Variants in CELSR1 observed in about 807,000 individuals in gnomAD.
CELSR1 encodes the protein adhesion G protein-coupled receptor C1.
A neutral mutation model predicts 249.1 loss-of-function variants in CELSR1; 110 were observed. The ratio of observed to expected loss-of-function variants is 0.44; its 90% CI spans 0.38 to 0.52. The LOEUF (loss-of-function observed/expected upper bound fraction) is 0.52. Ranked by LOEUF, CELSR1 falls within the 20% of genes least tolerant of loss-of-function variation. The pLI, the probability that CELSR1 is intolerant of heterozygous loss-of-function variation, is 0.00. For missense variants in CELSR1, 4,109 were observed against 4,296.4 expected (o/e 0.96, Z 1.22); for synonymous variants, 2,113 against 1,900.0 (o/e 1.11, Z -2.92).
In CELSR1 at chr22:46,464,208, C is replaced by T. The variant is rs763305091; in HGVS notation, c.3682G>A (p.Val1228Met). Residue 1228 changes from valine (V) to methionine (M), a missense_variant, in exon 2 of 35, where the codon GTG becomes ATG. This residue lies in a region of CELSR1 where 141 missense variants were observed against 209.4 expected (regional missense o/e 0.67). Transcript: ENST00000674500. This position sits in a 1 kb window ranked among gnomAD's most constrained non-coding sequence, Gnocchi z 8.5. ...KFLSPLLALF[V>M]EGVAAVLSTT... ...GACAGCACGGCGGCCACCCCCTCCA[C>T]GAAGAGGGCCAGCAGCGGGGACAGG... The T allele has an allele frequency of 3.3e-5, 54 of 1,613,720 alleles. No individual in the cohort carries two copies. The highest frequency in any genetic ancestry group is 5.0e-5 in the Admixed American group (3 of 60,024).
intron 5 of CELSR1, among the ~76,000 whole-genome samples, chr22:46,416,622 A>G (rs542357395): frequency 2.6e-5 from 4 of 151,966 alleles, no homozygotes; most frequent in Non-Finnish European, 5.9e-5. Flanking sequence ...CCACATGCTC[A>G]CTCCTGCAGC....
chr22:46,388,130 C>T (rs541995646), intron 18 of CELSR1, among the ~76,000 whole-genome samples: 1 of 152,228 alleles, frequency 6.6e-6, no homozygotes, highest in South Asian at 2.1e-4. Context: ...GGGTGGATCA[C>T]CTGAGGTCAG....
At chr22:46,424,841 G>T (rs1156491408) in intron 5 of CELSR1, among the ~76,000 whole-genome samples, 1 of 152,220 alleles carries the variant, frequency 6.6e-6, no homozygotes, top group Admixed American at 6.6e-5. Context: ...GCATGGTGGT[G>T]TGTGCCTGCA....
At position 46,428,280 on chromosome 22, in the gene CELSR1, C is replaced by T. The variant is rs1349410436; in HGVS notation, c.4611+5113G>A. 6.6e-6 allele frequency among the ~76,000 whole-genome samples: 1 copy of T among 152,232 alleles called. No individual in the cohort carries two copies. Among genetic ancestry groups the T allele is most frequent in the African/African-American group, 2.4e-5 (1 of 41,446 alleles). On this transcript the variant is annotated intron_variant, in intron 5 of 34. Transcript: ENST00000674500. The surrounding 1 kb of genome is among the most constrained non-coding windows in gnomAD (Gnocchi z 5.7). ...AATTGCCGAGGCAGAGTCCCAAGGA[C>T]TCCAGCAGCCAGCTCAGGCATGGGG... is the stretch of plus-strand genomic sequence containing the variant.
chr22:46,514,872 G>A (rs934180152), intron 1 of CELSR1, among the ~76,000 whole-genome samples: 2 of 152,076 alleles, frequency 1.3e-5, no homozygotes, highest in East Asian at 1.9e-4. Context: ...GTCCGTACCC[G>A]CCGTCAATCC....
chr22:46,477,514 C>CTTTTTTT (rs10683807), intron 1 of CELSR1, among the ~76,000 whole-genome samples: 5 of 133,666 alleles, frequency 3.7e-5, no homozygotes, highest in Admixed American at 7.9e-5. Flanking sequence ...GTTTTATTGG[C>CTTTTTTT]TTTTTTTTTT....
chr22:46,535,352 T>G lies in CELSR1; in HGVS notation c.1819A>C (p.Thr607Pro). The G allele has an allele frequency of 1.2e-6, 2 of 1,612,440 alleles. No individual in the cohort carries two copies. The highest frequency in any genetic ancestry group is 2.7e-5 in the African/African-American group (2 of 75,060). Residue 607 changes from threonine (T) to proline (P), a missense_variant, in exon 1 of 35, where the codon ACG becomes CCG. Physicochemically the swap from Thr to Pro is conservative, Grantham distance 38. Around this residue, in one of 7 missense-constraint regions of CELSR1, gnomAD observed 886 missense variants for 896.5 expected, o/e 0.99. Transcript: ENST00000674500. The part of the protein sequence containing the change: ...NARLHYRLVD[T>P]ASTFLGGGSA... ...CCGCCCCCCAGAAAGGTGGAGGCCG[T>G]GTCCACCAGGCGATAGTGCAGCCGG...
chr22:46,379,822 A>G (rs2078957473), intron 22 of CELSR1, among the ~76,000 whole-genome samples: 1 of 152,188 alleles, frequency 6.6e-6, no homozygotes, highest in South Asian at 2.1e-4. Context: ...TGACTCCTGC[A>G]TGGCGTCTCC....
In CELSR1 at chr22:46,429,491, G is replaced by GCCT. The variant is rs1339106410; in HGVS notation, c.4611+3899_4611+3901dup. On this transcript the variant is annotated intron_variant, in intron 5 of 34. Coordinates refer to ENST00000674500, the MANE Select transcript of CELSR1 (RefSeq NM_001378328.1). This position sits in a 1 kb window ranked among gnomAD's most constrained non-coding sequence, Gnocchi z 4.1. ...CGGAGCGCCACACAAATGTACAAGT[G>GCCT]CCTGCCTTTGAAAAGACCGTCCTGG... Among the ~76,000 whole-genome samples the GCCT allele has an allele frequency of 6.6e-6, 1 of 152,266 alleles. No individual in the cohort carries two copies. Among genetic ancestry groups the GCCT allele is most frequent in the African/African-American group, 2.4e-5 (1 of 41,478 alleles).
chr22:46,391,658 G>A lies in CELSR1; in HGVS notation c.6123C>T (p.Ala2041=), dbSNP rs150599618. Residue 2041 remains alanine (A), a synonymous_variant, in exon 15 of 35, where the codon GCC becomes GCT. Coordinates refer to ENST00000674500, the MANE Select transcript of CELSR1 (RefSeq NM_001378328.1). This position sits in a 1 kb window ranked among gnomAD's most constrained non-coding sequence, Gnocchi z 4.3. ...CTTCACAGCCGAGCGTGGTGACCTC[G>A]GCAAACGGGTTGTCGCAGCGGTTGC... The part of the protein sequence containing the change: ...RQCNRCDNPF[A]EVTTLGCEVI... 8.0e-4 allele frequency: 1,283 copies of A among 1,605,922 alleles called. 2 individuals carry two copies. Among genetic ancestry groups the A allele is most frequent in the Middle Eastern group, 1.3e-3 (6 of 4,692 alleles).
At position 46,380,993 on chromosome 22, in the gene CELSR1, T is replaced by G. The variant is rs756208542; in HGVS notation, c.7089-38A>C. On this transcript the variant is annotated intron_variant, in intron 21 of 34. Coordinates refer to ENST00000674500, the MANE Select transcript of CELSR1 (RefSeq NM_001378328.1). The surrounding 1 kb of genome is among the most constrained non-coding windows in gnomAD (Gnocchi z 5.1). ...AGCCAGAGCATGGGGACAAACACGG[T>G]GAGGAAACATCTGCTTAAATCCCGC... is the stretch of plus-strand genomic sequence containing the variant. The G allele has an allele frequency of 6.3e-7, 1 of 1,598,362 alleles. No homozygotes were observed. The highest frequency in any genetic ancestry group is 1.1e-5 in the South Asian group (1 of 90,586).
At chr22:46,425,206 T>A (rs1381215221) in intron 5 of CELSR1, among the ~76,000 whole-genome samples, 2 of 152,196 alleles carry the variant, frequency 1.3e-5, no homozygotes, top group African/African-American at 4.8e-5. Context: ...TGTGTGCAGG[T>A]TTCTGTGTCA....
Position 46,534,041 on chromosome 22 carries a change from G to C in CELSR1, c.3130C>G (p.Arg1044Gly). 6.2e-7 allele frequency: 1 copy of C among 1,613,686 alleles called. No individual in the cohort carries two copies. The highest frequency in any genetic ancestry group is 8.5e-7 in the Non-Finnish European group (1 of 1,180,022). The change falls in exon 1 of 35, where the codon CGG becomes GGG. Residue 1044 changes from arginine (R) to glycine (G), a missense_variant. By Grantham distance (125) the Arg-to-Gly change is moderately radical. Transcript: ENST00000674500. This position sits in a 1 kb window ranked among gnomAD's most constrained non-coding sequence, Gnocchi z 9.7. ...IMYQIVEGDM[R>G]HFFQLDLLNG... ...AGCAGGTCCAGCTGGAAGAAATGCC[G>C]CATGTCCCCTTCCACAATCTGATAC...
At chr22:46,455,088 C>T (rs964598389) in intron 2 of CELSR1, among the ~76,000 whole-genome samples, 5 of 152,106 alleles carry the variant, frequency 3.3e-5, no homozygotes, top group South Asian at 2.1e-4. Flanking sequence ...GTGATGCATC[C>T]GTGAGTCAGA....
intron 14 of CELSR1, 28 bp downstream of exon 14, chr22:46,394,114 T>C (rs1373303413): frequency 2.5e-6 from 4 of 1,608,766 alleles, no homozygotes; most frequent in African/African-American, 1.3e-5. Context: ...AAACACAGCA[T>C]GCAGGGATCA....
chr22:46,365,230 C>T lies in CELSR1; in HGVS notation c.8554+1G>A. 1 of 1,611,272 alleles carries T rather than the reference C, an allele frequency of 6.2e-7. No individual in the cohort carries two copies. The highest frequency in any genetic ancestry group is 2.2e-5 in the East Asian group (1 of 44,888). On this transcript the variant is annotated splice_donor_variant, in intron 32 of 34. Transcript: ENST00000674500. LOFTEE classifies it high-confidence loss of function. ...TGGCCCAATGTGCCCCACACACTCA[C>T]CTTTGGGGGTGCTGTGGACGGCGCC... is the stretch of plus-strand genomic sequence containing the variant.
chr22:46,408,883 C>T lies in CELSR1; in HGVS notation c.5226+113G>A, dbSNP rs1407891887. The T allele has an allele frequency of 1.2e-5, 10 of 833,926 alleles. No homozygotes were observed. The highest frequency in any genetic ancestry group is 2.1e-5 in the South Asian group (1 of 48,274). 51.7% of individuals were successfully genotyped at this position (833,926 alleles called of 1,614,324 possible). On this transcript the variant is annotated intron_variant, in intron 9 of 34. Transcript: ENST00000674500. The surrounding 1 kb of genome is among the most constrained non-coding windows in gnomAD (Gnocchi z 4.6). ...TTCGGAGAACCCCAGGGGCGGGCGC[C>T]GGAGGAAGGGCGAGTAGCAGGTGCC...
In CELSR1 at chr22:46,384,688, T is replaced by TG; in HGVS notation, c.6740-3dup. The stretch of plus-strand genomic sequence containing the variant: ...TGTCAAAGATGTCGACAGCAAGAAC[T>TG]GGGGGGACAGTTCCTTTAATCAGAC... On this transcript the variant is annotated splice_polypyrimidine_tract_variant and splice_region_variant and intron_variant, in intron 19 of 34. Coordinates refer to ENST00000674500, the MANE Select transcript of CELSR1 (RefSeq NM_001378328.1). 8.1e-6 allele frequency: 13 copies of TG among 1,611,304 alleles called. No homozygotes were observed. The highest frequency in any genetic ancestry group is 1.1e-5 in the Non-Finnish European group (13 of 1,178,838).
At position 46,537,446 on chromosome 22, in the gene CELSR1, G is replaced by A. The variant is rs2080871216; in HGVS notation, c.-276C>T. On this transcript the variant is annotated 5_prime_UTR_variant, in exon 1 of 35. Transcript: ENST00000674500. This position sits in a 1 kb window ranked among gnomAD's most constrained non-coding sequence, Gnocchi z 5.8. The stretch of plus-strand genomic sequence containing the variant: ...CCGGGAGGGCGCCGCGCATCAACCT[G>A]CGGCGGCGGCGGCGGCTCCAGGCGG... 2.1e-5 allele frequency among the ~76,000 whole-genome samples: 3 copies of A among 144,780 alleles called. No homozygotes were observed. The allele number at this position is 144,780 out of a possible 152,430, so 95.0% of individuals were successfully genotyped here.
Sources: allele counts gnomAD v4.1 joint callset (sites outside exome capture counted in the v4.1 genomes callset), GRCh38; gene constraint gnomAD v4.1.1; regional missense constraint gnomAD v4.1.1; non-coding constraint Gnocchi (gnomAD v3.1); transcripts MANE v1.5; gene names NCBI Gene and HGNC (gene_info 2026-07-23, HGNC 2026-07-21).